KCNN2: variants seen among roughly 807,000 people sequenced by gnomAD.
KCNN2 encodes the protein small conductance calcium-activated potassium channel protein 2.
A neutral mutation model predicts 55.5 loss-of-function variants in KCNN2; 24 were observed. That is an observed-to-expected ratio of 0.43 (90% confidence interval 0.31 to 0.61). The LOEUF (loss-of-function observed/expected upper bound fraction) is 0.61, where lower values mean the gene tolerates loss of function less well. KCNN2 is among the 20% of genes least tolerant of loss of function. The probability of loss-of-function intolerance (pLI) is 0.08; values close to 1 mark genes in which losing one functional copy is unlikely to be tolerated. For synonymous variants in KCNN2, 431 were observed against 336.1 expected (o/e 1.28, Z -3.09); for missense variants, 754 against 853.6 (o/e 0.88, Z 1.45).
intron 2 of KCNN2, among the ~76,000 whole-genome samples, chr5:114,293,612 T>A (rs1755942925): frequency 6.6e-6 from 1 of 152,200 alleles, no homozygotes; most frequent in African/African-American, 2.4e-5. Context: ...TATTGAGGAT[T>A]TTTGCATCAA....
chr5:114,396,766 C>T (rs565146679), intron 2 of KCNN2, among the ~76,000 whole-genome samples: 2 of 152,068 alleles, frequency 1.3e-5, no homozygotes, highest in East Asian at 1.9e-4. Flanking sequence ...AGGATGGTCT[C>T]GAACTCCTGA....
intron 2 of KCNN2, among the ~76,000 whole-genome samples, chr5:114,275,001 G>A (rs763311230): frequency 3.3e-5 from 5 of 152,044 alleles, no homozygotes; most frequent in Non-Finnish European, 5.9e-5. Flanking sequence ...ATTTTGAGAT[G>A]TGTTCCACTG....
At chr5:114,475,892 ACTTTAAACTTCC>A (rs1296893454) in intron 5 of KCNN2, among the ~76,000 whole-genome samples, 1 of 152,112 alleles carries the variant, frequency 6.6e-6, no homozygotes, top group African/African-American at 2.4e-5. Context: ...GTTCTTGTAT[ACTTTAAACTTCC>A]TTTGGATAAT....
chr5:114,352,337 C>T (rs1328860814), intron 2 of KCNN2, among the ~76,000 whole-genome samples: 1 of 151,224 alleles, frequency 6.6e-6, no homozygotes, highest in Non-Finnish European at 1.5e-5. Context: ...CCTGGTCAGT[C>T]TACTAAAGGT....
At chr5:114,417,053 C>T (rs954067422) in intron 3 of KCNN2, among the ~76,000 whole-genome samples, 1 of 152,176 alleles carries the variant, frequency 6.6e-6, no homozygotes, top group Non-Finnish European at 1.5e-5. Context: ...CCTAAATGCC[C>T]ATTTGGTATT....
chr5:114,136,598 T>A (rs1277227686), intron 1 of KCNN2, among the ~76,000 whole-genome samples: 1 of 152,212 alleles, frequency 6.6e-6, no homozygotes, highest in Non-Finnish European at 1.5e-5. Flanking sequence ...TTTTTCTTCA[T>A]AAGCCTTTTA....
intron 1 of KCNN2, among the ~76,000 whole-genome samples, chr5:114,193,445 C>T (rs1255178574): frequency 1.3e-5 from 2 of 152,144 alleles, no homozygotes; most frequent in Non-Finnish European, 2.9e-5. Flanking sequence ...CACCTCTCCT[C>T]AGAGTGAGAG....
Position 114,413,757 on chromosome 5 carries a change from A to G in KCNN2, c.1637+8901A>G, listed in dbSNP as rs567554813. Among the ~76,000 whole-genome samples the G allele has an allele frequency of 6.6e-5, 10 of 152,288 alleles. No homozygotes were observed. In the East Asian group the frequency reaches 1.9e-3, roughly 29 times the overall value. On this transcript the variant is annotated intron_variant, in intron 3 of 7. Coordinates refer to ENST00000673685, the MANE Select transcript of KCNN2 (RefSeq NM_021614.4). ...AAAAGCTCAGCAGCTCAGGAATCCA[A>G]CCTCAATGATCTCATAGCCAGTTCA...
At chr5:114,169,707 A>C (rs1752992364) in intron 1 of KCNN2, among the ~76,000 whole-genome samples, 1 of 152,062 alleles carries the variant, frequency 6.6e-6, no homozygotes, top group South Asian at 2.1e-4. Flanking sequence ...GTGAGAAGTG[A>C]GGTAGAAAGA....
intron 2 of KCNN2, among the ~76,000 whole-genome samples, chr5:114,239,093 AAG>A (rs1396462248): frequency 2.0e-5 from 3 of 152,166 alleles, no homozygotes; most frequent in Non-Finnish European, 4.4e-5. Context: ...TCATTTTGGG[AAG>A]AGTTAGTATG....
At chr5:114,078,654 T>C (rs2632138) in intron 1 of KCNN2, among the ~76,000 whole-genome samples, 21,139 of 152,202 alleles carry the variant, frequency 0.14, 1,566 homozygotes, top group Middle Eastern at 0.17. Context: ...AAGGTGGAGA[T>C]GGCTGTATGT....
chr5:114,261,205 A>G (rs781551849), intron 2 of KCNN2, among the ~76,000 whole-genome samples: 6 of 152,208 alleles, frequency 3.9e-5, no homozygotes, highest in Non-Finnish European at 8.8e-5. Context: ...GCAGAGAAGT[A>G]ATTTTTCACT....
chr5:114,306,700 CTTTTTTT>C (rs1245549186), intron 2 of KCNN2, among the ~76,000 whole-genome samples: 1 of 115,522 alleles, frequency 8.7e-6, no homozygotes, highest in African/African-American at 3.3e-5. Flanking sequence ...TTTTTTTTTT[CTTTTTTT>C]TTTTTTTTTT....
chr5:114,330,209 C>A (rs1233789994), intron 2 of KCNN2, among the ~76,000 whole-genome samples: 1 of 152,170 alleles, frequency 6.6e-6, no homozygotes, highest in Non-Finnish European at 1.5e-5. Flanking sequence ...AGATTCCCCT[C>A]CAGCTAAGAA....
Position 114,496,228 on chromosome 5 carries a change from G to T in KCNN2, c.*46G>T. On this transcript the variant is annotated 3_prime_UTR_variant, in exon 8 of 8. Transcript: ENST00000673685. ...AAATAAGACTTTTTGCCATCATATG[G>T]TCAATATTTTAGCTTTTATTGTAAA... 1 of 1,587,420 alleles carries T rather than the reference G, an allele frequency of 6.3e-7. No homozygotes were observed. The highest frequency in any genetic ancestry group is 8.6e-7 in the Non-Finnish European group (1 of 1,163,270).
chr5:114,127,410 G>A (rs1000137808), intron 1 of KCNN2, among the ~76,000 whole-genome samples: 2 of 152,112 alleles, frequency 1.3e-5, no homozygotes, highest in South Asian at 2.1e-4. Context: ...TCAACAACAC[G>A]TGGAAGCTTG....
At chr5:114,295,511 G>A (rs1357759946) in intron 2 of KCNN2, among the ~76,000 whole-genome samples, 3 of 152,302 alleles carry the variant, frequency 2.0e-5, no homozygotes, top group Middle Eastern at 3.4e-3. Context: ...GCCATGTGCG[G>A]GATATAATCT....
At chr5:114,259,555 C>T (rs924747645) in intron 2 of KCNN2, among the ~76,000 whole-genome samples, 35 of 152,072 alleles carry the variant, frequency 2.3e-4, no homozygotes, top group Non-Finnish European at 4.1e-4. Flanking sequence ...ACCAACATGG[C>T]ACATGTATAC....
At chr5:114,102,364 A>C (rs991542438) in intron 1 of KCNN2, among the ~76,000 whole-genome samples, 8 of 151,964 alleles carry the variant, frequency 5.3e-5, no homozygotes, top group Non-Finnish European at 1.2e-4. Flanking sequence ...AGATTGCAAA[A>C]ATTTTCTCCC....
Sources: allele counts gnomAD v4.1 joint callset (sites outside exome capture counted in the v4.1 genomes callset), GRCh38; gene constraint gnomAD v4.1.1; transcripts MANE v1.5; gene names NCBI Gene and HGNC (gene_info 2026-07-23, HGNC 2026-07-21).